Variants in DST observed in about 807,000 individuals in gnomAD.
The protein encoded by DST is dystonin.
Under a neutral mutation model 875.2 loss-of-function variants are expected in DST, and 253 were observed. The ratio of observed to expected loss-of-function variants is 0.29; its 90% CI spans 0.26 to 0.32. DST has a LOEUF of 0.32. Ranked by LOEUF, DST falls within the 10% of genes least tolerant of loss-of-function variation. The pLI is 1.00. For synonymous variants in DST, 3,124 were observed against 3,197.1 expected, an observed-to-expected ratio of 0.98 and a Z score of 0.77; for missense variants, 8,287 against 9,111.6, an observed-to-expected ratio of 0.91 and a Z score of 3.68.
Position 56,605,517 on chromosome 6 carries a change from A to G in DST, c.9111T>C (p.Asp3037=), listed in dbSNP as rs1362166149. The change falls in exon 40 of 104, where the codon GAT becomes GAC. Residue 3037 remains aspartate (D), a synonymous_variant. Transcript: ENST00000680361. The part of the protein sequence containing the change: ...GNGSDLIKGR[D]GKSDILIEDE... ...CTTCTATTAGAATATCACTTTTGCC[A>G]TCTCTCCCTTTAATGAGATCGCTTC... is the stretch of plus-strand genomic sequence containing the variant. The G allele has an allele frequency of 1.9e-6, 3 of 1,612,984 alleles. No individual in the cohort carries two copies. Among genetic ancestry groups the G allele is most frequent in the Admixed American group, 1.7e-5 (1 of 59,920 alleles).
At chr6:56,630,178 G>T in intron 31 of DST, 67 bp downstream of exon 31, 3 of 1,200,698 alleles carry the variant, frequency 2.5e-6, no homozygotes, top group South Asian at 1.3e-5. Context: ...GATGTTTGAA[G>T]ATCTAAGTGC....
At chr6:56,891,672 T>C (rs1787584906) in intron 3 of DST, among the ~76,000 whole-genome samples, 1 of 151,444 alleles carries the variant, frequency 6.6e-6, no homozygotes, top group African/African-American at 2.4e-5. Flanking sequence ...AGGTTGAGGC[T>C]GCAGTGAGCC....
intron 9 of DST, among the ~76,000 whole-genome samples, chr6:56,684,695 T>C (rs2099172014): frequency 1.3e-5 from 2 of 152,196 alleles, no homozygotes; most frequent in Admixed American, 1.3e-4. Flanking sequence ...TAATTTTTCT[T>C]CTGTTTCAGC....
chr6:56,873,348 C>G (rs1448495438), intron 3 of DST, among the ~76,000 whole-genome samples: 1 of 152,080 alleles, frequency 6.6e-6, no homozygotes, highest in Non-Finnish European at 1.5e-5. Flanking sequence ...TTGATGTGAT[C>G]CCACTTGTCA....
chr6:56,488,190 T>C (rs2095625458), intron 86 of DST, among the ~76,000 whole-genome samples: 1 of 152,176 alleles, frequency 6.6e-6, no homozygotes, highest in African/African-American at 2.4e-5. Context: ...ATCATGGTAT[T>C]GACAGAGATT....
At chr6:56,517,074 A>T in intron 71 of DST, 124 bp downstream of exon 71, 1 of 734,702 alleles carries the variant, frequency 1.4e-6, no homozygotes, top group Non-Finnish European at 2.4e-6. Flanking sequence ...CCTTATTTAA[A>T]CTAATTATTT....
intron 9 of DST, among the ~76,000 whole-genome samples, chr6:56,679,964 C>G (rs1397238540): frequency 6.6e-6 from 1 of 152,084 alleles, no homozygotes; most frequent in African/African-American, 2.4e-5. Flanking sequence ...AGTTTAAATC[C>G]TTTCACCTCC....
At chr6:56,903,209 G>A (rs1029870997) in intron 2 of DST, among the ~76,000 whole-genome samples, 1 of 152,084 alleles carries the variant, frequency 6.6e-6, no homozygotes, top group African/African-American at 2.4e-5. Context: ...ATTCTCTTAT[G>A]AGTAATAAGC....
chr6:56,585,154 GTT>G (rs1214994689), intron 49 of DST, among the ~76,000 whole-genome samples: 1 of 152,184 alleles, frequency 6.6e-6, no homozygotes, highest in Non-Finnish European at 1.5e-5. Context: ...GATTGGACTA[GTT>G]TCAGAAGGAA....
At chr6:56,496,639 C>T (rs1454724557) in intron 82 of DST, among the ~76,000 whole-genome samples, 2 of 151,894 alleles carry the variant, frequency 1.3e-5, no homozygotes, top group Non-Finnish European at 2.9e-5. Flanking sequence ...GTTATATTAC[C>T]ACCACCCATA....
intron 2 of DST, among the ~76,000 whole-genome samples, chr6:56,934,560 T>TTTTTTATATATATATATA (rs869186436): frequency 9.4e-6 from 1 of 106,486 alleles, no homozygotes; most frequent in Non-Finnish European, 1.9e-5. Context: ...ATATATTATA[T>TTTTTTATATATATATATA]TATATATATA....
chr6:56,667,826 T>TACACAC (rs1244797899), intron 10 of DST, among the ~76,000 whole-genome samples: 8 of 144,124 alleles, frequency 5.6e-5, no homozygotes, highest in African/African-American at 2.3e-4. Flanking sequence ...TATATATATA[T>TACACAC]ATACACACAC....
intron 82 of DST, among the ~76,000 whole-genome samples, chr6:56,495,462 C>G (rs2095871569): frequency 6.6e-6 from 1 of 151,886 alleles, no homozygotes; most frequent in Non-Finnish European, 1.5e-5. Context: ...TCTTTGCTTT[C>G]AAGTTCTTAT....
At chr6:56,862,745 G>A (rs1322212957) in intron 3 of DST, among the ~76,000 whole-genome samples, 1 of 152,164 alleles carries the variant, frequency 6.6e-6, no homozygotes, top group Non-Finnish European at 1.5e-5. Context: ...GGGGGGAATG[G>A]AGAGGATGAA....
intron 61 of DST, chr6:56,540,934 CA>C (rs2097114371): frequency 6.6e-6 from 1 of 152,572 alleles, no homozygotes; most frequent in Non-Finnish European, 1.5e-5. Context: ...CAGTAGAAGA[CA>C]AACTTTTAAT....
chr6:56,662,267 C>G (rs895767944), intron 10 of DST, among the ~76,000 whole-genome samples: 11 of 152,038 alleles, frequency 7.2e-5, no homozygotes, highest in African/African-American at 1.9e-4. Flanking sequence ...AATGTAATAC[C>G]CTTTGTCCCA....
chr6:56,891,428 G>T lies in DST; in HGVS notation c.417+8993C>A, dbSNP rs139450367. Among the ~76,000 whole-genome samples, 254 of 152,096 alleles carry T rather than the reference G, an allele frequency of 1.7e-3. 2 individuals are homozygous for T. The highest frequency in any genetic ancestry group is 0.014 in the Middle Eastern group (4 of 294). Reference sequence around the variant, plus strand: ...AGTTAAAATTAGCCAGGCATGAGGCGTGGTAGCGGGCACCTGTAGTCCCAG... The same window carrying T: ...AGTTAAAATTAGCCAGGCATGAGGCTTGGTAGCGGGCACCTGTAGTCCCAG... On this transcript the variant is annotated intron_variant, in intron 3 of 103. Transcript: ENST00000680361.
intron 10 of DST, among the ~76,000 whole-genome samples, chr6:56,667,828 T>C (rs548464248): frequency 0.011 from 1,588 of 149,848 alleles, 9 homozygotes; most frequent in South Asian, 0.032. Context: ...TATATATATA[T>C]ACACACACAC....
chr6:56,535,996 A>G (rs1443353258), intron 62 of DST, among the ~76,000 whole-genome samples: 1 of 152,250 alleles, frequency 6.6e-6, no homozygotes, highest in Non-Finnish European at 1.5e-5. Flanking sequence ...CATATGTATC[A>G]GACTTTAAAG....
Sources: allele counts gnomAD v4.1 joint callset (sites outside exome capture counted in the v4.1 genomes callset), GRCh38; gene constraint gnomAD v4.1.1; transcripts MANE v1.5; gene names NCBI Gene and HGNC (gene_info 2026-07-23, HGNC 2026-07-21).